Variants in COL18A1 observed in about 807,000 individuals in gnomAD.
COL18A1 encodes collagen type XVIII alpha 1 chain.
Under a neutral mutation model 168.0 loss-of-function variants are expected in COL18A1, and 133 were observed. The ratio of observed to expected loss-of-function variants is 0.79; its 90% CI spans 0.69 to 0.91. COL18A1 has a LOEUF of 0.91. Among genes scored for constraint, COL18A1 ranks in the 40% least tolerant of loss-of-function variants. The pLI is 0.00. For missense variants in COL18A1, 2,126 were observed against 1,925.4 expected (o/e 1.10, Z -1.95); for synonymous variants, 949 against 809.0 (o/e 1.17, Z -2.94).
chr21:45,479,317 A>G (rs1202257406), intron 9 of COL18A1, among the ~76,000 whole-genome samples: 1 of 151,494 alleles, frequency 6.6e-6, no homozygotes, highest in African/African-American at 2.4e-5. Context: ...CACACATTAC[A>G]CCACACGTGG....
chr21:45,509,162 G>A (rs1320866206), intron 38 of COL18A1, among the ~76,000 whole-genome samples, 194 bp from the exon 39 acceptor site: 2 of 152,032 alleles, frequency 1.3e-5, no homozygotes, highest in East Asian at 1.9e-4. Context: ...CCCGCGATCC[G>A]GCGCCACGGC....
At chr21:45,493,091 G>T in intron 24 of COL18A1, 72 bp from the exon 25 acceptor site, 1 of 1,432,416 alleles carries the variant, frequency 7.0e-7, no homozygotes, top group South Asian at 1.2e-5. Context: ...AGCTGTCGGG[G>T]GAGATGGAGC....
intron 2 of COL18A1, among the ~76,000 whole-genome samples, chr21:45,433,654 G>C (rs2034025329): frequency 6.6e-6 from 1 of 152,248 alleles, no homozygotes; most frequent in African/African-American, 2.4e-5. Context: ...AGATGAGCTG[G>C]ATGGCATTTG....
At position 45,510,193 on chromosome 21, in the gene COL18A1, C is replaced by T. The variant is rs374880663; in HGVS notation, c.3625C>T (p.Arg1209Cys). The T allele has an allele frequency of 2.4e-5, 39 of 1,599,462 alleles. No homozygotes were observed. The highest frequency in any genetic ancestry group is 5.6e-5 in the South Asian group (5 of 89,088). Residue 1209 changes from arginine (R) to cysteine (C), a missense_variant, in exon 40 of 42, where the codon CGC (arginine) becomes TGC (cysteine). By Grantham distance (180) the Arg-to-Cys change is radical. Transcript: ENST00000651438. ...CACCTTCCGCGCCTTCCTGTCCTCG[C>T]GCCTGCAGGACCTGTACAGCATCGT... ...AGTFRAFLSS[R>C]LQDLYSIVRR...
chr21:45,447,800 C>T (rs2034535616), intron 2 of COL18A1, among the ~76,000 whole-genome samples: 1 of 152,098 alleles, frequency 6.6e-6, no homozygotes, highest in African/African-American at 2.4e-5. Flanking sequence ...GCCTATAGAG[C>T]ACATTGAGGT....
chr21:45,458,601 C>T (rs1358172934), intron 2 of COL18A1, among the ~76,000 whole-genome samples: 1 of 152,202 alleles, frequency 6.6e-6, no homozygotes, highest in Non-Finnish European at 1.5e-5. Context: ...TACTGTTCCC[C>T]ACCAAGCATG....
In COL18A1 at chr21:45,443,922, AGCCAGGACTGCCTGTCCTCTTTTGGGTG is replaced by A. The variant is rs2034447970; in HGVS notation, c.107-24312_107-24285del. Reference sequence around the variant, plus strand: ...GGAAGGGGACCGTCCTCCCAGTGGCAGCCAGGACTGCCTGTCCTCTTTTGGGTGGCCAGGATGTCACAGGGCGAGTAGG... The same window carrying A: ...GGAAGGGGACCGTCCTCCCAGTGGCAGCCAGGATGTCACAGGGCGAGTAGG... On this transcript the variant is annotated intron_variant, in intron 2 of 41. Transcript: ENST00000651438. The surrounding 1 kb of genome is among the most constrained non-coding windows in gnomAD (Gnocchi z 5.2). Among the ~76,000 whole-genome samples the A allele has an allele frequency of 6.6e-6, 1 of 152,156 alleles. No individual in the cohort carries two copies. Among genetic ancestry groups the A allele is most frequent in the Non-Finnish European group, 1.5e-5 (1 of 68,012 alleles).
chr21:45,430,308 G>A (rs2033922225), intron 2 of COL18A1, among the ~76,000 whole-genome samples: 1 of 152,228 alleles, frequency 6.6e-6, no homozygotes, highest in Non-Finnish European at 1.5e-5. Flanking sequence ...GGAACTCTGT[G>A]GTGGTCAGAG....
chr21:45,509,421 G>T lies in COL18A1; in HGVS notation c.3315G>T (p.Arg1105=). ...VQLHDSNPYP[R]REHPHPTARP... Reference sequence around the variant, plus strand: ...TGCACGACAGCAACCCCTACCCGCGGCGGGAGCACCCCCACCCCACCGCGC... The same window carrying T: ...TGCACGACAGCAACCCCTACCCGCGTCGGGAGCACCCCCACCCCACCGCGC... The change falls in exon 39 of 42, where the codon CGG becomes CGT. Residue 1105 remains arginine, a synonymous_variant. Transcript: ENST00000651438. 1 of 1,538,716 alleles carries T rather than the reference G, an allele frequency of 6.5e-7. No homozygotes were observed. The highest frequency in any genetic ancestry group is 8.7e-7 in the Non-Finnish European group (1 of 1,143,446).
At chr21:45,415,828 G>A (rs975764355) in intron 2 of COL18A1, among the ~76,000 whole-genome samples, 2 of 152,254 alleles carry the variant, frequency 1.3e-5, no homozygotes, top group African/African-American at 2.4e-5. Context: ...GCAGCCAGGC[G>A]GGCATGGTGT....
chr21:45,492,819 A>C, intron 24 of COL18A1, 106 bp downstream of exon 24: 1 of 876,392 alleles, frequency 1.1e-6, no homozygotes, highest in Non-Finnish European at 1.9e-6. Flanking sequence ...GTCAGGCCCG[A>C]GGGATAGCGA....
chr21:45,413,484 C>T (rs947160485), intron 2 of COL18A1, among the ~76,000 whole-genome samples: 1 of 152,242 alleles, frequency 6.6e-6, no homozygotes, highest in African/African-American at 2.4e-5. Flanking sequence ...CAGGAGACTT[C>T]TGAGAAAGCC....
At chr21:45,467,052 G>T (rs1007215213) in intron 2 of COL18A1, among the ~76,000 whole-genome samples, 3 of 152,248 alleles carry the variant, frequency 2.0e-5, no homozygotes, top group Admixed American at 6.5e-5. Flanking sequence ...GTGACCGCTG[G>T]CCCCCAGAGC....
At chr21:45,428,594 C>A (rs1041677614) in intron 2 of COL18A1, among the ~76,000 whole-genome samples, 1 of 152,218 alleles carries the variant, frequency 6.6e-6, no homozygotes, top group African/African-American at 2.4e-5. Flanking sequence ...ATTCACACGC[C>A]GGAGAGAGGG....
intron 2 of COL18A1, among the ~76,000 whole-genome samples, chr21:45,437,200 G>A (rs1236376468): frequency 4.4e-5 from 4 of 91,846 alleles, no homozygotes; most frequent in African/African-American, 1.1e-4. Flanking sequence ...AGACACACAG[G>A]CACTCTCCTG....
At chr21:45,503,940 G>A in intron 32 of COL18A1, 71 bp from the exon 33 acceptor site, 2 of 1,568,314 alleles carry the variant, frequency 1.3e-6, no homozygotes, top group East Asian at 2.2e-5. Flanking sequence ...CACCAGTGCT[G>A]GGGGCTGCAG....
In COL18A1 at chr21:45,475,545, C is replaced by T. The variant is rs752717542; in HGVS notation, c.798+10C>T. 7 of 1,601,936 alleles carry T rather than the reference C, an allele frequency of 4.4e-6. No individual in the cohort carries two copies. Among genetic ancestry groups the T allele is most frequent in the African/African-American group, 1.3e-5 (1 of 74,836 alleles). On this transcript the variant is annotated intron_variant, in intron 5 of 41. Transcript: ENST00000651438. Reference sequence around the variant, plus strand: ...TCTCAGGGAGGAGACGGTGAGTAGCCGGACGGGGCCCAGCCCACGCTGCAG... The same window carrying T: ...TCTCAGGGAGGAGACGGTGAGTAGCTGGACGGGGCCCAGCCCACGCTGCAG...
At chr21:45,472,660 C>T (rs2035483059) in intron 3 of COL18A1, among the ~76,000 whole-genome samples, 1 of 152,030 alleles carries the variant, frequency 6.6e-6, no homozygotes, top group Non-Finnish European at 1.5e-5. Flanking sequence ...CGGTGCTGCC[C>T]CTGGCCGACC....
chr21:45,508,912 G>A (rs138262893), intron 38 of COL18A1, among the ~76,000 whole-genome samples: 1 of 152,166 alleles, frequency 6.6e-6, no homozygotes, highest in African/African-American at 2.4e-5. Context: ...GAAAGGTGCA[G>A]AATCAATAGG....
Sources: allele counts gnomAD v4.1 joint callset (sites outside exome capture counted in the v4.1 genomes callset), GRCh38; gene constraint gnomAD v4.1.1; non-coding constraint Gnocchi (gnomAD v3.1); transcripts MANE v1.5; gene names NCBI Gene and HGNC (gene_info 2026-07-23, HGNC 2026-07-21).